Variants in SPATA31D1 observed in about 807,000 individuals in gnomAD.
SPATA31D1 encodes the protein spermatogenesis-associated protein 31D1.
Under a neutral mutation model 13.2 loss-of-function variants are expected in SPATA31D1, and 6 were observed. The ratio of observed to expected loss-of-function variants is 0.46; its 90% confidence interval spans 0.25 to 0.90. The LOEUF is 0.90. Ranked by LOEUF, SPATA31D1 falls within the 40% of genes least tolerant of loss-of-function variation. The pLI is 0.18. For synonymous variants in SPATA31D1, 903 were observed against 718.8 expected (o/e 1.26, Z -4.10); for missense variants, 2,445 against 1,884.7 (o/e 1.30, Z -5.50).
At position 81,993,228 on chromosome 9, in the gene SPATA31D1, C is replaced by A; in HGVS notation, c.2758C>A (p.Leu920Ile). The A allele has an allele frequency of 6.2e-7, 1 of 1,613,974 alleles. No homozygotes were observed. Among genetic ancestry groups the A allele is most frequent in the Admixed American group, 1.7e-5 (1 of 60,020 alleles). The change falls in exon 4 of 4, where the codon CTC becomes ATC. Residue 920 changes from leucine (L) to isoleucine (I), a missense_variant. Physicochemically the swap from Leu to Ile is conservative, Grantham distance 5. Coordinates refer to ENST00000344803, the MANE Select transcript of SPATA31D1 (RefSeq NM_001001670.3). ...TATGAGGATGCTGTGGGGCCTTCCCCTCAAGGTCCTTGAATCCATAGAAAT... is the reference window on the plus strand; with the variant it reads ...TATGAGGATGCTGTGGGGCCTTCCCATCAAGGTCCTTGAATCCATAGAAAT... ...FRMRMLWGLPLKVLESIEIFK... is the reference protein window; with the variant it reads ...FRMRMLWGLPIKVLESIEIFK...
Position 81,994,862 on chromosome 9 carries a change from C to T in SPATA31D1, c.4392C>T (p.Pro1464=), listed in dbSNP as rs371750285. The change falls in exon 4 of 4, where the codon CCC becomes CCT. Residue 1464 remains proline (P), a synonymous_variant. Coordinates refer to ENST00000344803, the MANE Select transcript of SPATA31D1 (RefSeq NM_001001670.3). The stretch of plus-strand genomic sequence containing the variant: ...GCTGTCCCTGCAACTACAGGGCTCC[C>T]TCCTGCAAAGTGACACGTACCAAAT... ...VQGCPCNYRA[P]SCKVTRTKSC... 6.2e-7 allele frequency: 1 copy of T among 1,613,994 alleles called. No homozygotes were observed. The highest frequency in any genetic ancestry group is 1.7e-5 in the Admixed American group (1 of 60,020).
Position 81,991,377 on chromosome 9 carries a change from G to C in SPATA31D1, c.907G>C (p.Ala303Pro). The change falls in exon 4 of 4, where the codon GCT becomes CCT. Residue 303 changes from alanine to proline, a missense_variant. Physicochemically the swap from Ala to Pro is conservative, Grantham distance 27. Coordinates refer to ENST00000344803, the MANE Select transcript of SPATA31D1 (RefSeq NM_001001670.3). ...TCATCACGGACCACCAATCCCATCTGCTTTACCACCGGAAGATTGCACTGT... is the reference window on the plus strand; with the variant it reads ...TCATCACGGACCACCAATCCCATCTCCTTTACCACCGGAAGATTGCACTGT... The part of the protein sequence containing the change: ...ARHHGPPIPS[A>P]LPPEDCTVTQ... 6.2e-7 allele frequency: 1 copy of C among 1,613,984 alleles called. No homozygotes were observed. The highest frequency in any genetic ancestry group is 8.5e-7 in the Non-Finnish European group (1 of 1,179,884).
Position 81,993,742 on chromosome 9 carries a change from C to T in SPATA31D1, c.3272C>T (p.Pro1091Leu). The change falls in exon 4 of 4, where the codon CCC (proline) becomes CTC (leucine). Residue 1091 changes from proline to leucine, a missense_variant. Coordinates refer to ENST00000344803, the MANE Select transcript of SPATA31D1 (RefSeq NM_001001670.3). ...GAGGATGGCAGACAGACTTTTCTGC[C>T]CCCGCCACACAGCATCGTAGACGAA... is the stretch of plus-strand genomic sequence containing the variant. Reference protein sequence around the residue: ...TTEDGRQTFLPPPHSIVDEVS... With the variant: ...TTEDGRQTFLLPPHSIVDEVS... 7 of 1,613,962 alleles carry T rather than the reference C, an allele frequency of 4.3e-6. No homozygotes were observed. The highest frequency in any genetic ancestry group is 4.2e-6 in the Non-Finnish European group (5 of 1,179,892).
rs73478299 is a variant in SPATA31D1 at position 81,994,301 on chromosome 9, T to C, written c.3831T>C (p.Cys1277=). Residue 1277 remains cysteine (C), a synonymous_variant, in exon 4 of 4, where the codon TGT becomes TGC. Coordinates refer to ENST00000344803, the MANE Select transcript of SPATA31D1 (RefSeq NM_001001670.3). The part of the protein sequence containing the change: ...AQKQEPRVPT[C]VLQKCQVTNF... ...AGCAGGAGCCCAGGGTCCCTACCTG[T>C]GTCTTACAGAAGTGTCAAGTTACGA... 3.3e-3 allele frequency: 5,264 copies of C among 1,613,986 alleles called. 151 individuals carry two copies. The African/African-American group carries it at 0.06, about 18-fold the overall frequency.
rs1177566464 is a variant in SPATA31D1 at position 81,992,716 on chromosome 9, C to G, written c.2246C>G (p.Ala749Gly). The change falls in exon 4 of 4, where the codon GCA becomes GGA. Residue 749 changes from alanine to glycine, a missense_variant. Coordinates refer to ENST00000344803, the MANE Select transcript of SPATA31D1 (RefSeq NM_001001670.3). The part of the protein sequence containing the change: ...GQRCNVLKKS[A>G]SSFPRSFHER... ...AGGTGCAATGTTCTAAAGAAGTCCGCATCAAGCTTCCCTAGAAGCTTCCAC... is the reference window on the plus strand; with the variant it reads ...AGGTGCAATGTTCTAAAGAAGTCCGGATCAAGCTTCCCTAGAAGCTTCCAC... 2.5e-6 allele frequency: 4 copies of G among 1,613,682 alleles called. No individual in the cohort carries two copies. The African/African-American group carries it at 5.3e-5, about 22-fold the overall frequency.
In SPATA31D1 at chr9:81,991,387, C is replaced by T. The variant is rs577988203; in HGVS notation, c.917C>T (p.Pro306Leu). 40 of 1,614,008 alleles carry T rather than the reference C, an allele frequency of 2.5e-5. No homozygotes were observed. Among genetic ancestry groups the T allele is most frequent in the African/African-American group, 6.7e-5 (5 of 75,064 alleles). ...CCACCAATCCCATCTGCTTTACCACCGGAAGATTGCACTGTGACTCAGTCT... is the reference window on the plus strand; with the variant it reads ...CCACCAATCCCATCTGCTTTACCACTGGAAGATTGCACTGTGACTCAGTCT... Reference protein sequence around the residue: ...HGPPIPSALPPEDCTVTQSKS... With the variant: ...HGPPIPSALPLEDCTVTQSKS... Residue 306 changes from proline to leucine, a missense_variant, in exon 4 of 4, where the codon CCG becomes CTG. Coordinates refer to ENST00000344803, the MANE Select transcript of SPATA31D1 (RefSeq NM_001001670.3).
Position 81,993,913 on chromosome 9 carries a change from C to T in SPATA31D1, c.3443C>T (p.Pro1148Leu), listed in dbSNP as rs139613817. 3 of 1,613,916 alleles carry T rather than the reference C, an allele frequency of 1.9e-6. No homozygotes were observed. In the African/African-American group the frequency reaches 4.0e-5, roughly 22 times the overall value. ...CTTCAGGGCAGTAGAAAGACCTTTC[C>T]TGTCACCAATGCTCTTCAATCACAA... ...DRLQGSRKTF[P>L]VTNALQSQTR... is the part of the protein sequence containing the mutation. Residue 1148 changes from proline (P) to leucine (L), a missense_variant, in exon 4 of 4, where the codon CCT becomes CTT. Coordinates refer to ENST00000344803, the MANE Select transcript of SPATA31D1 (RefSeq NM_001001670.3).
rs997584316 is a variant in SPATA31D1, at chr9:81,994,868, C to T, written c.4398C>T (p.Cys1466=). ...CCTGCAACTACAGGGCTCCCTCCTG[C>T]AAAGTGACACGTACCAAATCTTGCA... ...GCPCNYRAPS[C]KVTRTKSCSQ... is the part of the protein sequence containing the mutation. The change falls in exon 4 of 4, where the codon TGC becomes TGT. Residue 1466 remains cysteine, a synonymous_variant. Coordinates refer to ENST00000344803, the MANE Select transcript of SPATA31D1 (RefSeq NM_001001670.3). 3 of 1,613,856 alleles carry T rather than the reference C, an allele frequency of 1.9e-6. No homozygotes were observed. Among genetic ancestry groups the T allele is most frequent in the Non-Finnish European group, 2.5e-6 (3 of 1,179,894 alleles).
chr9:81,994,602 G>T lies in SPATA31D1; in HGVS notation c.4132G>T (p.Gly1378Cys). The change falls in exon 4 of 4, where the codon GGT becomes TGT. Residue 1378 changes from glycine (G) to cysteine (C), a missense_variant. Transcript: ENST00000344803. ...AGAACAAGAAAGTTCCTGGGAAAAGGGTAGCTCCCTGTCATCATGTGTGCA... is the reference window on the plus strand; with the variant it reads ...AGAACAAGAAAGTTCCTGGGAAAAGTGTAGCTCCCTGTCATCATGTGTGCA... ...YEEQESSWEK[G>C]SSLSSCVQNI... is the part of the protein sequence containing the mutation. The T allele has an allele frequency of 6.2e-7, 1 of 1,612,990 alleles. No homozygotes were observed. Among genetic ancestry groups the T allele is most frequent in the Non-Finnish European group, 8.5e-7 (1 of 1,179,410 alleles).
Position 81,993,904 on chromosome 9 carries a change from A to G in SPATA31D1, c.3434A>G (p.Lys1145Arg), listed in dbSNP as rs1256666442. 1.2e-6 allele frequency: 2 copies of G among 1,613,996 alleles called. No homozygotes were observed. The highest frequency in any genetic ancestry group is 8.5e-7 in the Non-Finnish European group (1 of 1,179,876). The change falls in exon 4 of 4, where the codon AAG becomes AGG. Residue 1145 changes from lysine (K) to arginine (R), a missense_variant. By Grantham distance (26) the Lys-to-Arg change is conservative. Coordinates refer to ENST00000344803, the MANE Select transcript of SPATA31D1 (RefSeq NM_001001670.3). ...GTAGACAGGCTTCAGGGCAGTAGAA[A>G]GACCTTTCCTGTCACCAATGCTCTT... ...HNVDRLQGSR[K>R]TFPVTNALQS...
chr9:81,988,027 G>A (rs533905949), upstream of SPATA31D1, among the ~76,000 whole-genome samples: 6 of 152,258 alleles, frequency 3.9e-5, no homozygotes, highest in African/African-American at 9.6e-5. Context: ...ACAGACCTCC[G>A]CTTTCCTTCC....
chr9:81,994,663 G>A lies in SPATA31D1; in HGVS notation c.4193G>A (p.Gly1398Glu). Residue 1398 changes from glycine to glutamate, a missense_variant, in exon 4 of 4, where the codon GGG (glycine) becomes GAG (glutamate). By Grantham distance (98) the Gly-to-Glu change is moderately conservative. Coordinates refer to ENST00000344803, the MANE Select transcript of SPATA31D1 (RefSeq NM_001001670.3). ...CGAGTTATAAGAGCTGCCTTTACTG[G>A]GACTACTGAAGCTCAGAAAATTAGG... The part of the protein sequence containing the change: ...IGRVIRAAFT[G>E]TTEAQKIRKD... 1 of 1,613,442 alleles carries A rather than the reference G, an allele frequency of 6.2e-7. No individual in the cohort carries two copies. Among genetic ancestry groups the A allele is most frequent in the Non-Finnish European group, 8.5e-7 (1 of 1,179,624 alleles).
rs752085906 is a variant in SPATA31D1, at chr9:81,991,511, C to A, written c.1041C>A (p.Asp347Glu). ...CTGCCCCAACAATCAAAGGCATTGACCATTCACACCTTGCATCTTCAGAAT... is the reference window on the plus strand; with the variant it reads ...CTGCCCCAACAATCAAAGGCATTGAACATTCACACCTTGCATCTTCAGAAT... ...STSAPTIKGIDHSHLASSEFT... is the reference protein window; with the variant it reads ...STSAPTIKGIEHSHLASSEFT... Residue 347 changes from aspartate to glutamate, a missense_variant, in exon 4 of 4, where the codon GAC becomes GAA. By Grantham distance (45) the Asp-to-Glu change is conservative. Transcript: ENST00000344803. The A allele has an allele frequency of 6.2e-7, 1 of 1,614,008 alleles. No homozygotes were observed. Among genetic ancestry groups the A allele is most frequent in the Non-Finnish European group, 8.5e-7 (1 of 1,179,896 alleles).
Position 81,991,345 on chromosome 9 carries a change from G to C in SPATA31D1, c.875G>C (p.Cys292Ser), listed in dbSNP as rs1386750475. ...CAGGCCATGAATCCCATTGATTCTT[G>C]TGCTCGTCATCACGGACCACCAATC... The part of the protein sequence containing the change: ...ISQAMNPIDS[C>S]ARHHGPPIPS... Residue 292 changes from cysteine to serine, a missense_variant, in exon 4 of 4, where the codon TGT (cysteine) becomes TCT (serine). Physicochemically the swap from Cys to Ser is moderately radical, Grantham distance 112. Coordinates refer to ENST00000344803, the MANE Select transcript of SPATA31D1 (RefSeq NM_001001670.3). 1 of 1,614,004 alleles carries C rather than the reference G, an allele frequency of 6.2e-7. No homozygotes were observed. Among genetic ancestry groups the C allele is most frequent in the East Asian group, 2.2e-5 (1 of 44,870 alleles).
rs779018477 is a variant in SPATA31D1 at position 81,992,811 on chromosome 9, C to G, written c.2341C>G (p.Pro781Ala). 3.1e-6 allele frequency: 5 copies of G among 1,613,624 alleles called. No individual in the cohort carries two copies. The East Asian group carries it at 8.9e-5, about 29-fold the overall frequency. The change falls in exon 4 of 4, where the codon CCA (proline) becomes GCA (alanine). Residue 781 changes from proline (P) to alanine (A), a missense_variant. Transcript: ENST00000344803. ...TCAGGGATACAGCCAGGAGACTGTC[C>G]CAAAAGATCACCTGTTGCATGGTCC... ...NYQGYSQETV[P>A]KDHLLHGPET...
In SPATA31D1 at chr9:81,993,531, G is replaced by A. The variant is rs770516114; in HGVS notation, c.3061G>A (p.Ala1021Thr). ...DLIETDSKDG[A>T]STSLRRGTTD... is the part of the protein sequence containing the mutation. ...TATAGAGACAGATTCCAAAGACGGG[G>A]CCTCCACATCCCTTAGAAGAGGTAC... Residue 1021 changes from alanine (A) to threonine (T), a missense_variant, in exon 4 of 4, where the codon GCC becomes ACC. By Grantham distance (58) the Ala-to-Thr change is moderately conservative (BLOSUM62 0). Coordinates refer to ENST00000344803, the MANE Select transcript of SPATA31D1 (RefSeq NM_001001670.3). The A allele has an allele frequency of 2.5e-6, 4 of 1,613,874 alleles. No individual in the cohort carries two copies. Among genetic ancestry groups the A allele is most frequent in the Non-Finnish European group, 3.4e-6 (4 of 1,179,866 alleles).
chr9:81,992,638 C>G lies in SPATA31D1; in HGVS notation c.2168C>G (p.Ser723Cys). ...CCTCAGAGCAAAATTTCAGAGCTAT[C>G]TGTGTCAGAGAGAATTCATGGACCG... ...LRPQSKISEL[S>C]VSERIHGPLN... Residue 723 changes from serine to cysteine, a missense_variant, in exon 4 of 4, where the codon TCT becomes TGT. Coordinates refer to ENST00000344803, the MANE Select transcript of SPATA31D1 (RefSeq NM_001001670.3). 1 of 1,613,740 alleles carries G rather than the reference C, an allele frequency of 6.2e-7. No individual in the cohort carries two copies. Among genetic ancestry groups the G allele is most frequent in the Non-Finnish European group, 8.5e-7 (1 of 1,179,738 alleles).
Position 81,988,858 on chromosome 9 carries a change from A to C in SPATA31D1, c.40A>C (p.Thr14Pro), listed in dbSNP as rs773161396. 6.2e-7 allele frequency: 1 copy of C among 1,612,960 alleles called. No homozygotes were observed. The highest frequency in any genetic ancestry group is 2.2e-5 in the East Asian group (1 of 44,874). Residue 14 changes from threonine to proline, a missense_variant, in exon 1 of 4, where the codon ACA becomes CCA. Coordinates refer to ENST00000344803, the MANE Select transcript of SPATA31D1 (RefSeq NM_001001670.3). The stretch of plus-strand genomic sequence containing the variant: ...CTGTTTTCTGAACAGCTATACTGAG[A>C]CAGGGCTGAGCCCTGACTCACATTG... ...ILCFLNSYTETGLSPDSHWLD... is the reference protein window; with the variant it reads ...ILCFLNSYTEPGLSPDSHWLD...
At position 81,993,208 on chromosome 9, in the gene SPATA31D1, GGAT is replaced by G; in HGVS notation, c.2740_2742del (p.Met914del). On this transcript the variant is annotated inframe_deletion, in exon 4 of 4. Transcript: ENST00000344803. ...GCCCATATTAAAACTTTCCGTATGA[GGAT>G]GCTGTGGGGCCTTCCCCTCAAGGTC... is the stretch of plus-strand genomic sequence containing the variant. The G allele has an allele frequency of 3.7e-6, 6 of 1,613,954 alleles. No individual in the cohort carries two copies. Among genetic ancestry groups the G allele is most frequent in the Non-Finnish European group, 5.1e-6 (6 of 1,179,874 alleles).
Sources: gnomAD v4.1 joint callset for allele counts (sites outside exome capture counted in the v4.1 genomes callset) on GRCh38, gnomAD v4.1.1 for gene constraint, MANE v1.5 for transcripts, NCBI Gene and HGNC (gene_info 2026-07-23, HGNC 2026-07-21) for gene names.